MRPL42: variants seen among roughly 807,000 people sequenced by gnomAD.
MRPL42 encodes the protein large ribosomal subunit protein mL42.
MRPL42 carries 17 observed loss-of-function variants against 17.9 expected under a neutral mutation model. That is an observed-to-expected ratio of 0.95 (90% confidence interval 0.65 to 1.42). The LOEUF (loss-of-function observed/expected upper bound fraction) is 1.42. Among genes scored for constraint, MRPL42 ranks in the 40% most tolerant of loss-of-function variants. The pLI, the probability that MRPL42 is intolerant of heterozygous loss-of-function variation, is 0.00. For synonymous variants in MRPL42, 59 were observed against 54.4 expected, an observed-to-expected ratio of 1.08 and a Z score of -0.37; for missense variants, 177 against 175.2, an observed-to-expected ratio of 1.01 and a Z score of -0.06.
rs1255099840 is a variant in MRPL42 at position 93,515,842 on chromosome 12, T to TA, written c.*14624dup. On this transcript the variant is annotated 3_prime_UTR_variant, in exon 6 of 6. Coordinates refer to ENST00000549982, the MANE Select transcript of MRPL42 (RefSeq NM_014050.4). ...AAACAAGATGACTCTGAAACCTTAATAAAGTGAGAAAAAACAAGTCCACTT... is the reference window on the plus strand; with the variant it reads ...AAACAAGATGACTCTGAAACCTTAATAAAAGTGAGAAAAAACAAGTCCACTT... 1.3e-5 allele frequency: 2 copies of TA among 151,990 alleles called. No homozygotes were observed. The highest frequency in any genetic ancestry group is 4.8e-5 in the African/African-American group (2 of 41,274). The allele number at this position is 151,990 out of a possible 1,614,324, so 9.4% of individuals were successfully genotyped here. A position where few individuals can be genotyped will look rare whatever the true frequency, so the allele number is the denominator to read the frequency against.
intron 2 of MRPL42, among the ~76,000 whole-genome samples, chr12:93,471,805 T>C (rs555449454): frequency 6.6e-6 from 1 of 152,304 alleles, no homozygotes; most frequent in South Asian, 2.1e-4. Context: ...TGCAATCAGC[T>C]TTTGATTATC....
At chr12:93,473,387 A>C (rs1209020456) in intron 2 of MRPL42, among the ~76,000 whole-genome samples, 1 of 151,904 alleles carries the variant, frequency 6.6e-6, no homozygotes, top group African/African-American at 2.4e-5. Context: ...TCAGTCTCCC[A>C]AGTAAGCAAG....
At chr12:93,485,622 C>T (rs932907336) in intron 4 of MRPL42, among the ~76,000 whole-genome samples, 1 of 152,008 alleles carries the variant, frequency 6.6e-6, no homozygotes, top group African/African-American at 2.4e-5. Context: ...ATAATACATA[C>T]ATATTGTTAT....
At chr12:93,496,972 G>A (rs1953518161) in intron 5 of MRPL42, among the ~76,000 whole-genome samples, 1 of 152,098 alleles carries the variant, frequency 6.6e-6, no homozygotes, top group Non-Finnish European at 1.5e-5. Flanking sequence ...AAAATCTAGA[G>A]GCAATGGACA....
chr12:93,472,252 T>A (rs1189475041), intron 2 of MRPL42, among the ~76,000 whole-genome samples: 14 of 152,168 alleles, frequency 9.2e-5, no homozygotes, highest in Non-Finnish European at 1.9e-4. Flanking sequence ...ACTTCTTATA[T>A]CCGAAAAGTC....
In MRPL42 at chr12:93,507,426, TC is replaced by T. The variant is rs1953682596; in HGVS notation, c.*6206del. ...CAGTATACCTTAGAAACTTTCAGTT[TC>T]TTTTAAGGATTTAATAACTTGCTTA... On this transcript the variant is annotated 3_prime_UTR_variant, in exon 6 of 6. Transcript: ENST00000549982. 2 of 152,358 alleles carry T rather than the reference TC, an allele frequency of 1.3e-5. No individual in the cohort carries two copies. The highest frequency in any genetic ancestry group is 1.3e-4 in the Admixed American group (2 of 15,306). The allele number at this position is 152,358 out of a possible 1,614,324, so 9.4% of individuals were successfully genotyped here. A position where few individuals can be genotyped will look rare whatever the true frequency, so the allele number is the denominator to read the frequency against.
At chr12:93,491,728 A>AG (rs1046327482) in intron 5 of MRPL42, among the ~76,000 whole-genome samples, 10 of 152,102 alleles carry the variant, frequency 6.6e-5, no homozygotes, top group Non-Finnish European at 5.9e-5. Flanking sequence ...CCAGGCAGTG[A>AG]GGTAGTGCCC....
chr12:93,492,801 T>G (rs1953440023), intron 5 of MRPL42, among the ~76,000 whole-genome samples: 1 of 152,118 alleles, frequency 6.6e-6, no homozygotes. Context: ...ACACATATCT[T>G]ATCATGCATG....
intron 3 of MRPL42, among the ~76,000 whole-genome samples, chr12:93,477,615 G>A (rs550450077): frequency 3.0e-4 from 45 of 151,712 alleles, no homozygotes; most frequent in Middle Eastern, 6.8e-3. Flanking sequence ...TTTTGTTTTC[G>A]AGATGGGGTC....
intron 5 of MRPL42, chr12:93,500,827 G>A (rs1284230412): frequency 5.9e-6 from 1 of 168,842 alleles, no homozygotes; most frequent in Non-Finnish European, 1.3e-5. Flanking sequence ...CACGTGTGGT[G>A]GTGTGCCTGT....
At chr12:93,479,518 A>C in intron 4 of MRPL42, 46 bp downstream of exon 4, 2 of 1,320,636 alleles carry the variant, frequency 1.5e-6, no homozygotes, top group Non-Finnish European at 2.2e-6. Flanking sequence ...GCTGTTAGAA[A>C]TGTTTGCACT....
rs1394338990 is a variant in MRPL42, at chr12:93,503,839, A to G, written c.*2618A>G. ...CCGTATCATTAAGTACTCTGATTTA[A>G]TGGGTGCATATTATTCTATAATCTG... On this transcript the variant is annotated 3_prime_UTR_variant, in exon 6 of 6. Transcript: ENST00000549982. 2.6e-5 allele frequency: 4 copies of G among 151,990 alleles called. No homozygotes were observed. Among genetic ancestry groups the G allele is most frequent in the South Asian group, 2.1e-4 (1 of 4,824 alleles). The allele number at this position is 151,990 out of a possible 1,614,324, so 9.4% of individuals were successfully genotyped here.
At chr12:93,468,922 G>A (rs1267225521) in intron 1 of MRPL42, among the ~76,000 whole-genome samples, 2 of 152,192 alleles carry the variant, frequency 1.3e-5, no homozygotes, top group Non-Finnish European at 2.9e-5. Context: ...CATTTACTGA[G>A]TATTCATTAA....
In MRPL42 at chr12:93,476,933, T is replaced by C. The variant is rs746993674; in HGVS notation, c.71-21T>C. ...ATGCTCAAATTAACCAAATCTGTTT[T>C]ACTGTTTGGGGTTTTTGCAGATGGA... On this transcript the variant is annotated intron_variant, in intron 2 of 5. Transcript: ENST00000549982. 4 of 1,591,198 alleles carry C rather than the reference T, an allele frequency of 2.5e-6. No homozygotes were observed. In the South Asian group the frequency reaches 3.4e-5, roughly 13 times the overall value.
intron 4 of MRPL42, 97 bp from the exon 5 acceptor site, chr12:93,487,400 G>A (rs779792968): frequency 1.6e-4 from 184 of 1,132,644 alleles, no homozygotes; most frequent in Non-Finnish European, 2.3e-4. Flanking sequence ...GTACTATAGT[G>A]AATTACTGAA....
At position 93,467,566 on chromosome 12, in the gene MRPL42, C is replaced by G. The variant is rs1429673039; in HGVS notation, c.-95+12C>G. The G allele has an allele frequency of 2.6e-5, 4 of 152,392 alleles. 1 individual carries two copies. The highest frequency in any genetic ancestry group is 2.0e-4 in the Admixed American group (3 of 15,278). 9.4% of individuals were successfully genotyped at this position (152,392 alleles called of 1,614,324 possible). A position where few individuals can be genotyped will look rare whatever the true frequency, so the allele number is the denominator to read the frequency against. ...GAGAAGCCGTCAAGGTAACCGCTTC[C>G]CTCTACTCCTCCTGTCGAGGACTTC... On this transcript the variant is annotated intron_variant, in intron 1 of 5. Coordinates refer to ENST00000549982, the MANE Select transcript of MRPL42 (RefSeq NM_014050.4).
At chr12:93,489,596 T>G (rs1953374421) in intron 5 of MRPL42, among the ~76,000 whole-genome samples, 1 of 152,086 alleles carries the variant, frequency 6.6e-6, no homozygotes, top group Non-Finnish European at 1.5e-5. Flanking sequence ...TGCAGTGGTG[T>G]GATCTCAGCT....
intron 5 of MRPL42, among the ~76,000 whole-genome samples, chr12:93,490,671 A>G (rs917998157): frequency 6.6e-5 from 10 of 152,124 alleles, no homozygotes; most frequent in Admixed American, 3.3e-4. Flanking sequence ...CCATTCATCC[A>G]TTGATTCATT....
intron 5 of MRPL42, chr12:93,487,948 C>A (rs1266647523): frequency 1.5e-5 from 4 of 272,222 alleles, no homozygotes; most frequent in Non-Finnish European, 2.7e-5. Context: ...AGGCATGTGC[C>A]ACCACACCTG....
Sources: gnomAD v4.1 joint callset for allele counts (sites outside exome capture counted in the v4.1 genomes callset) on GRCh38, gnomAD v4.1.1 for gene constraint, MANE v1.5 for transcripts, NCBI Gene and HGNC (gene_info 2026-07-23, HGNC 2026-07-21) for gene names.